NSMCE4A: variants seen among roughly 807,000 people sequenced by gnomAD.
The protein encoded by NSMCE4A is non-structural maintenance of chromosomes element 4 homolog A.
Under a neutral mutation model 47.9 loss-of-function variants are expected in NSMCE4A, and 40 were observed. The ratio of observed to expected loss-of-function variants is 0.83; its 90% CI spans 0.65 to 1.09. The LOEUF is 1.09. NSMCE4A is among the 50% of genes least tolerant of loss of function. The pLI, the probability that NSMCE4A is intolerant of heterozygous loss-of-function variation, is 0.00. For missense variants in NSMCE4A, 500 were observed against 507.0 expected (o/e 0.99, Z 0.13); for synonymous variants, 166 against 178.5 (o/e 0.93, Z 0.56).
In NSMCE4A at chr10:121,959,503, C is replaced by T. The variant is rs201908580; in HGVS notation, c.1081G>A (p.Glu361Lys). 1 of 1,613,660 alleles carries T rather than the reference C, an allele frequency of 6.2e-7. No homozygotes were observed. The highest frequency in any genetic ancestry group is 8.5e-7 in the Non-Finnish European group (1 of 1,179,682). Residue 361 changes from glutamate (E) to lysine (K), a missense_variant and splice_region_variant, in exon 9 of 11, where the codon GAG becomes AAG. By Grantham distance (56) the Glu-to-Lys change is moderately conservative. Transcript: ENST00000369023. ...GIIALSYRDW[E>K]EIVKTFEISE... is the part of the protein sequence containing the mutation. ...AGGGGCAACAGGCAGAGCTTTACCT[C>T]CCAGTCACGGTAACTCAAAGCTATA...
Position 121,975,040 on chromosome 10 carries a change from A to G in NSMCE4A, c.126T>C (p.Ser42=). Residue 42 remains serine, a synonymous_variant, in exon 1 of 11, where the codon TCT becomes TCC. Transcript: ENST00000369023. The part of the protein sequence containing the change: ...SPLSPRSRRG[S]ARERREAPER... The stretch of plus-strand genomic sequence containing the variant: ...CTGGGGCCTCTCTGCGCTCCCGCGC[A>G]GAGCCGCGGCGGGACCTGGGCGACA... 6.8e-7 allele frequency: 1 copy of G among 1,474,896 alleles called. No homozygotes were observed. Among genetic ancestry groups the G allele is most frequent in the South Asian group, 1.3e-5 (1 of 76,888 alleles). 91.4% of individuals were successfully genotyped at this position (1,474,896 alleles called of 1,614,324 possible). A position where few individuals can be genotyped will look rare whatever the true frequency, so the allele number is the denominator to read the frequency against.
At chr10:121,963,138 A>G (rs1382233897) in intron 6 of NSMCE4A, 100 bp downstream of exon 6, 6 of 557,370 alleles carry the variant, frequency 1.1e-5, no homozygotes, top group Non-Finnish European at 1.9e-5. Context: ...ATATGTATTT[A>G]TTCAAATATT....
chr10:121,957,854 ATT>A (rs1048083853), intron 10 of NSMCE4A, among the ~76,000 whole-genome samples: 21 of 152,246 alleles, frequency 1.4e-4, no homozygotes, highest in African/African-American at 5.1e-4. Flanking sequence ...AAATCAGAAA[ATT>A]TGAGCTAGAA....
chr10:121,962,820 C>T (rs1952527009), intron 6 of NSMCE4A, among the ~76,000 whole-genome samples: 1 of 152,046 alleles, frequency 6.6e-6, no homozygotes, highest in Non-Finnish European at 1.5e-5. Flanking sequence ...CCATGTTGGT[C>T]AGGCGGGTAT....
chr10:121,967,508 G>C, intron 4 of NSMCE4A, 147 bp downstream of exon 4: 2 of 853,324 alleles, frequency 2.3e-6, no homozygotes, highest in East Asian at 5.3e-5. Flanking sequence ...TAGTGTTTAT[G>C]AACTTTCATA....
At position 121,963,329 on chromosome 10, in the gene NSMCE4A, C is replaced by A; in HGVS notation, c.754-1G>T. ...GATGAGATTCTTCCATTCTTCTTAA[C>A]TGAAAAAAGTCATTATCAAGCTGAC... is the stretch of plus-strand genomic sequence containing the variant. On this transcript the variant is annotated splice_acceptor_variant, in intron 5 of 10. Transcript: ENST00000369023. LOFTEE classifies it high-confidence loss of function. 1 of 1,587,754 alleles carries A rather than the reference C, an allele frequency of 6.3e-7. No individual in the cohort carries two copies. Among genetic ancestry groups the A allele is most frequent in the Non-Finnish European group, 8.6e-7 (1 of 1,157,870 alleles).
intron 4 of NSMCE4A, chr10:121,966,877 A>C (rs1270226635): frequency 6.6e-6 from 1 of 152,204 alleles, no homozygotes; most frequent in Non-Finnish European, 1.5e-5. Context: ...ATATAAAGAA[A>C]TCTTTTTTTT....
intron 6 of NSMCE4A, among the ~76,000 whole-genome samples, chr10:121,962,700 T>C (rs543001898): frequency 3.1e-4 from 47 of 151,888 alleles, no homozygotes; most frequent in African/African-American, 1.1e-3. Flanking sequence ...GCAACCTCTG[T>C]CTCCCGGGTT....
intron 3 of NSMCE4A, among the ~76,000 whole-genome samples, chr10:121,969,321 C>T (rs1271739246): frequency 1.3e-5 from 2 of 151,858 alleles, no homozygotes; most frequent in Admixed American, 6.6e-5. Context: ...GGCAACACTC[C>T]AGCATGGGCA....
chr10:121,967,863 C>T (rs1952637283), intron 3 of NSMCE4A, 57 bp from the exon 4 acceptor site: 1 of 1,558,668 alleles, frequency 6.4e-7, no homozygotes, highest in Non-Finnish European at 8.7e-7. Flanking sequence ...TCATTTTCCA[C>T]ATCCAATAAT....
intron 1 of NSMCE4A, 54 bp downstream of exon 1, chr10:121,974,820 A>T: frequency 1.6e-6 from 2 of 1,273,128 alleles, no homozygotes; most frequent in Non-Finnish European, 2.0e-6. Context: ...CGCCCGGCGC[A>T]GGGCGGGGAC....
chr10:121,965,187 C>T (rs1590783559), intron 5 of NSMCE4A, 99 bp downstream of exon 5: 1 of 128,514 alleles, frequency 7.8e-6, no homozygotes, highest in Non-Finnish European at 1.8e-5. Flanking sequence ...TGGCTCCAGA[C>T]CCGCACACTT....
intron 10 of NSMCE4A, 55 bp downstream of exon 10, chr10:121,959,269 G>T: frequency 6.8e-7 from 1 of 1,460,944 alleles, no homozygotes; most frequent in Non-Finnish European, 9.6e-7. Flanking sequence ...GGGATACTTT[G>T]GATTGCCAAA....
chr10:121,959,268 T>G lies in NSMCE4A; in HGVS notation c.*12+56A>C, dbSNP rs1313421860. On this transcript the variant is annotated intron_variant, in intron 10 of 10. Transcript: ENST00000369023. ...ACTGGAATGGGGAAAAGGGATACTT[T>G]GGATTGCCAAATGAACTTTAATAGA... 2.7e-6 allele frequency: 4 copies of G among 1,462,084 alleles called. No individual in the cohort carries two copies. The Admixed American group carries it at 6.7e-5, about 25-fold the overall frequency. The allele number at this position is 1,462,084 out of a possible 1,614,324, so 90.6% of individuals were successfully genotyped here.
At chr10:121,959,864 A>G in intron 8 of NSMCE4A, 1 of 491,298 alleles carries the variant, frequency 2.0e-6, no homozygotes, top group Non-Finnish European at 3.7e-6. Flanking sequence ...TCAACCACAG[A>G]GCTAAGCCCT....
chr10:121,961,297 C>A, intron 7 of NSMCE4A, 126 bp downstream of exon 7: 1 of 538,200 alleles, frequency 1.9e-6, no homozygotes, highest in South Asian at 3.4e-5. Context: ...TGTTTTGCTA[C>A]AATGGGTCTG....
Position 121,960,962 on chromosome 10 carries a change from A to G in NSMCE4A, c.939+461T>C, listed in dbSNP as rs1952486014. Reference sequence around the variant, plus strand: ...AGACTACTATAAACACGTGGCATATATCCTTTACCCATATTCATCAGTCGT... The same window carrying G: ...AGACTACTATAAACACGTGGCATATGTCCTTTACCCATATTCATCAGTCGT... On this transcript the variant is annotated intron_variant, in intron 7 of 10. Coordinates refer to ENST00000369023, the MANE Select transcript of NSMCE4A (RefSeq NM_017615.3). This position sits in a 1 kb window ranked among gnomAD's most constrained non-coding sequence, Gnocchi z 4.2. Among the ~76,000 whole-genome samples, 1 of 152,188 alleles carries G rather than the reference A, an allele frequency of 6.6e-6. No homozygotes were observed. The highest frequency in any genetic ancestry group is 1.5e-5 in the Non-Finnish European group (1 of 68,030).
Position 121,967,637 on chromosome 10 carries a change from T to A in NSMCE4A, c.653+18A>T. ...GTTCACAAATAACTGGTCTGTTGGA[T>A]TTTTAAAATAATCTTACAGAAAGTG... On this transcript the variant is annotated intron_variant, in intron 4 of 10. Coordinates refer to ENST00000369023, the MANE Select transcript of NSMCE4A (RefSeq NM_017615.3). The A allele has an allele frequency of 6.2e-7, 1 of 1,601,890 alleles. No homozygotes were observed. The highest frequency in any genetic ancestry group is 8.5e-7 in the Non-Finnish European group (1 of 1,176,764).
chr10:121,973,201 A>C (rs1269635126), intron 2 of NSMCE4A, among the ~76,000 whole-genome samples: 2 of 148,616 alleles, frequency 1.3e-5, no homozygotes, highest in African/African-American at 5.1e-5. Flanking sequence ...GTGCTACTGC[A>C]CTCCAGCCTG....
Sources: allele counts gnomAD v4.1 joint callset (sites outside exome capture counted in the v4.1 genomes callset), GRCh38; gene constraint gnomAD v4.1.1; non-coding constraint Gnocchi (gnomAD v3.1); transcripts MANE v1.5; gene names NCBI Gene and HGNC (gene_info 2026-07-23, HGNC 2026-07-21).